Variants in ANK2 observed in about 807,000 individuals in gnomAD.
ANK2 encodes the protein ankyrin-2.
Under a neutral mutation model 360.5 loss-of-function variants are expected in ANK2, and 83 were observed. The ratio of observed to expected loss-of-function variants is 0.23; its 90% CI spans 0.19 to 0.28. The LOEUF (loss-of-function observed/expected upper bound fraction) is 0.28. ANK2 is among the 10% of genes least tolerant of loss of function. The pLI, the probability that ANK2 is intolerant of heterozygous loss-of-function variation, is 1.00. For synonymous variants in ANK2, 1,740 were observed against 1,759.5 expected, an observed-to-expected ratio of 0.99 and a Z score of 0.28; for missense variants, 4,201 against 4,795.7, an observed-to-expected ratio of 0.88 and a Z score of 3.66.
intron 24 of ANK2, among the ~76,000 whole-genome samples, chr4:113,315,147 C>T (rs2082079060): frequency 6.6e-6 from 1 of 152,336 alleles, no homozygotes; most frequent in East Asian, 1.9e-4. Flanking sequence ...CTATTCCTCT[C>T]AGTACAAAAC....
Position 113,358,222 on chromosome 4 carries a change from T to C in ANK2, c.9604T>C (p.Ser3202Pro), listed in dbSNP as rs1183782136. ...ACCTGCTTCGGATGCTCAACTTAAC[T>C]CCCAAATGGGGATTTCAGCCTCCAC... ...EIPASDAQLN[S>P]QMGISASTET... The change falls in exon 38 of 46, where the codon TCC (serine) becomes CCC (proline). Residue 3202 changes from serine (S) to proline (P), a missense_variant. Coordinates refer to ENST00000357077, the MANE Select transcript of ANK2 (RefSeq NM_001148.6). The C allele has an allele frequency of 1.2e-6, 2 of 1,613,994 alleles. No homozygotes were observed. The highest frequency in any genetic ancestry group is 1.7e-6 in the Non-Finnish European group (2 of 1,179,954).
chr4:113,157,298 C>T (rs921105634), intron 1 of ANK2, among the ~76,000 whole-genome samples: 5 of 152,260 alleles, frequency 3.3e-5, no homozygotes, highest in African/African-American at 1.2e-4. Context: ...TTAAATCCCA[C>T]TCAGGGAGAT....
At chr4:112,788,282 G>C in the ANK2 span, 7 of 1,576,076 alleles carry the variant, frequency 4.4e-6, no homozygotes, top group South Asian at 7.8e-5. Flanking sequence ...GAAGGCGACA[G>C]TGGTGCAGGT....
chr4:113,255,287 T>C (rs2048681589), intron 10 of ANK2, among the ~76,000 whole-genome samples: 1 of 152,194 alleles, frequency 6.6e-6, no homozygotes, highest in South Asian at 2.1e-4. Context: ...TGGTCAAAGT[T>C]TCCATACCTC....
Position 113,255,949 on chromosome 4 carries a change from C to A in ANK2, c.1188+17C>A. 1.9e-6 allele frequency: 3 copies of A among 1,611,472 alleles called. No homozygotes were observed. The South Asian group carries it at 3.3e-5, about 18-fold the overall frequency. ...AGAGCCCTGGTAAACTTGGCCCAGT[C>A]CACATTAACTGAATACAGATTGAGA... On this transcript the variant is annotated intron_variant, in intron 11 of 45. Transcript: ENST00000357077.
chr4:112,768,412 C>T, the ANK2 span, among the ~76,000 whole-genome samples: 1 of 151,954 alleles, frequency 6.6e-6, no homozygotes, highest in East Asian at 1.9e-4. Context: ...TGCCACCATG[C>T]CCAGTTAATT....
chr4:113,016,391 T>G (rs1486613812), intron 2 of ANK2, among the ~76,000 whole-genome samples: 1 of 152,192 alleles, frequency 6.6e-6, no homozygotes, highest in East Asian at 1.9e-4. Flanking sequence ...AGTTTGTGCC[T>G]ATGTGCCAAA....
At chr4:113,276,397 T>C (rs2060269364) in intron 15 of ANK2, among the ~76,000 whole-genome samples, 2 of 152,222 alleles carry the variant, frequency 1.3e-5, no homozygotes, top group Admixed American at 1.3e-4. Flanking sequence ...TTTGGTTTTG[T>C]TATTCTACAG....
chr4:112,883,679 G>T (rs956119146), intron 1 of ANK2, among the ~76,000 whole-genome samples: 13 of 151,894 alleles, frequency 8.6e-5, no homozygotes, highest in Non-Finnish European at 1.8e-4. Flanking sequence ...CTAAAATTTG[G>T]AATAGACTAT....
the ANK2 span, among the ~76,000 whole-genome samples, chr4:112,745,250 C>T: frequency 2.6e-5 from 4 of 152,130 alleles, no homozygotes; most frequent in African/African-American, 9.7e-5. Flanking sequence ...TAAATTCCGA[C>T]ATAAAAACTA....
At chr4:113,192,388 A>T (rs746884576) in intron 2 of ANK2, among the ~76,000 whole-genome samples, 1 of 152,120 alleles carries the variant, frequency 6.6e-6, no homozygotes, top group African/African-American at 2.4e-5. Context: ...GTTTCACCAA[A>T]ACCCCTCAAA....
At chr4:113,019,016 A>G (rs192290594) in intron 2 of ANK2, among the ~76,000 whole-genome samples, 3 of 152,110 alleles carry the variant, frequency 2.0e-5, no homozygotes, top group African/African-American at 7.2e-5. Context: ...CAACTATGCA[A>G]CTTCCTTTTT....
intron 14 of ANK2, among the ~76,000 whole-genome samples, chr4:113,272,418 T>C (rs565944727): frequency 6.6e-6 from 1 of 152,340 alleles, no homozygotes; most frequent in South Asian, 2.1e-4. Flanking sequence ...TTTTCCCTGG[T>C]TTAAATTAAC....
intron 2 of ANK2, among the ~76,000 whole-genome samples, chr4:113,037,103 G>T (rs189035019): frequency 1.3e-5 from 2 of 152,052 alleles, no homozygotes; most frequent in Admixed American, 1.3e-4. Context: ...CATATCTTCT[G>T]CCACAATCTA....
chr4:113,113,664 A>G (rs2154367124), intron 1 of ANK2, among the ~76,000 whole-genome samples: 1 of 152,292 alleles, frequency 6.6e-6, no homozygotes, highest in East Asian at 1.9e-4. Flanking sequence ...AGCCAGAATT[A>G]TATCTCTGCT....
the ANK2 span, among the ~76,000 whole-genome samples, chr4:112,715,088 C>A: frequency 6.6e-6 from 1 of 152,154 alleles, no homozygotes; most frequent in African/African-American, 2.4e-5. Context: ...ATGACTGGAG[C>A]AATAATCATC....
At chr4:113,328,774 C>G (rs1015504347) in intron 26 of ANK2, among the ~76,000 whole-genome samples, 4 of 152,138 alleles carry the variant, frequency 2.6e-5, no homozygotes, top group Admixed American at 1.3e-4. Context: ...CTCCTTCGCA[C>G]CCATTTTTAT....
At chr4:112,721,696 G>A in the ANK2 span, among the ~76,000 whole-genome samples, 4 of 152,100 alleles carry the variant, frequency 2.6e-5, no homozygotes, top group Admixed American at 6.6e-5. Context: ...CTTTTCAAAG[G>A]GGAAAGTAAT....
At chr4:112,976,725 C>T (rs1418869157) in intron 2 of ANK2, among the ~76,000 whole-genome samples, 1 of 151,142 alleles carries the variant, frequency 6.6e-6, no homozygotes, top group Non-Finnish European at 1.5e-5. Context: ...CTTTTTTTTC[C>T]CCTTTAAGAG....
Sources: allele counts gnomAD v4.1 joint callset (sites outside exome capture counted in the v4.1 genomes callset), GRCh38; gene constraint gnomAD v4.1.1; transcripts MANE v1.5; gene names NCBI Gene and HGNC (gene_info 2026-07-23, HGNC 2026-07-21).